GALNT13: variants seen among roughly 807,000 people sequenced by gnomAD.
GALNT13 encodes the protein polypeptide N-acetylgalactosaminyltransferase 13.
Under a neutral mutation model 64.2 loss-of-function variants are expected in GALNT13, and 28 were observed. That is an observed-to-expected ratio of 0.44 (90% confidence interval 0.32 to 0.60). GALNT13 has a LOEUF of 0.60. Among genes scored for constraint, GALNT13 ranks in the 20% least tolerant of loss-of-function variants. The probability of loss-of-function intolerance (pLI) is 0.05; values close to 1 mark genes in which losing one functional copy is unlikely to be tolerated. For synonymous variants in GALNT13, 214 were observed against 224.6 expected (o/e 0.95, Z 0.42); for missense variants, 577 against 669.8 (o/e 0.86, Z 1.53).
chr2:154,268,612 AAC>A (rs796393343), intron 8 of GALNT13, among the ~76,000 whole-genome samples: 1 of 151,552 alleles, frequency 6.6e-6, no homozygotes, highest in Admixed American at 6.6e-5. Flanking sequence ...TAAGAATTAA[AAC>A]ACACACACAC....
At chr2:153,845,876 C>CA in the GALNT13 span, among the ~76,000 whole-genome samples, 6 of 151,372 alleles carry the variant, frequency 4.0e-5, no homozygotes, top group African/African-American at 7.3e-5. Flanking sequence ...GTATTATTTT[C>CA]AAAAAAAGAA....
chr2:153,784,136 T>G, the GALNT13 span, among the ~76,000 whole-genome samples: 1 of 152,140 alleles, frequency 6.6e-6, no homozygotes, highest in Admixed American at 6.5e-5. Flanking sequence ...CTTGGAGGGC[T>G]CAGAAGAAGA....
the GALNT13 span, among the ~76,000 whole-genome samples, chr2:153,393,970 ACACACACACACACACACACACC>A: frequency 7.2e-5 from 8 of 111,412 alleles, no homozygotes; most frequent in East Asian, 1.7e-3. Context: ...ACACACACAC[ACACACACACACACACACACACC>A]CCCTATTGGT....
chr2:153,070,232 G>T, the GALNT13 span, among the ~76,000 whole-genome samples: 13,185 of 152,156 alleles, frequency 0.087, 858 homozygotes, highest in East Asian at 0.33. Flanking sequence ...CGTACTATAA[G>T]ATTCCAGCCA....
chr2:154,440,828 C>T (rs913023776), intron 12 of GALNT13, among the ~76,000 whole-genome samples: 6 of 151,920 alleles, frequency 3.9e-5, no homozygotes, highest in African/African-American at 1.4e-4. Flanking sequence ...TAATACATTG[C>T]CTTTCTGGAA....
the GALNT13 span, among the ~76,000 whole-genome samples, chr2:153,490,751 G>A: frequency 2.0e-5 from 3 of 152,066 alleles, no homozygotes; most frequent in African/African-American, 7.2e-5. Context: ...CCTGAGGTCA[G>A]AAGTTCAAGA....
chr2:153,851,588 G>A, the GALNT13 span, among the ~76,000 whole-genome samples: 579 of 151,692 alleles, frequency 3.8e-3, 5 homozygotes, highest in African/African-American at 0.012. Context: ...ACCTGTAGTC[G>A]CAGCTACTTG....
chr2:154,081,511 G>A (rs916287342), intron 3 of GALNT13, among the ~76,000 whole-genome samples: 3 of 151,652 alleles, frequency 2.0e-5, no homozygotes, highest in African/African-American at 7.3e-5. Context: ...GGGAGTGACA[G>A]TAGAAAACTG....
the GALNT13 span, among the ~76,000 whole-genome samples, chr2:153,096,843 A>G: frequency 1.3e-5 from 2 of 151,966 alleles, no homozygotes; most frequent in Non-Finnish European, 2.9e-5. Context: ...TTTGATTGTA[A>G]AGTTTAGTTC....
At chr2:153,720,045 A>AGACT in the GALNT13 span, among the ~76,000 whole-genome samples, 6 of 149,378 alleles carry the variant, frequency 4.0e-5, no homozygotes, top group Non-Finnish European at 9.0e-5. Flanking sequence ...TAACCTCTGC[A>AGACT]GACTTAAATG....
the GALNT13 span, among the ~76,000 whole-genome samples, chr2:153,367,758 A>G: frequency 3.9e-5 from 6 of 152,092 alleles, no homozygotes; most frequent in Non-Finnish European, 8.8e-5. Flanking sequence ...AGCAGCAATA[A>G]TAATAGGGTG....
At chr2:153,986,237 A>C (rs72866851) in intron 3 of GALNT13, among the ~76,000 whole-genome samples, 2 of 151,916 alleles carry the variant, frequency 1.3e-5, no homozygotes, top group Non-Finnish European at 2.9e-5. Context: ...GAAGAATCTC[A>C]TGTAGAAAAG....
chr2:154,068,935 G>GCTTGA, intron 3 of GALNT13, among the ~76,000 whole-genome samples: 1 of 151,990 alleles, frequency 6.6e-6, no homozygotes, highest in South Asian at 2.1e-4. Flanking sequence ...AAAGATAAAT[G>GCTTGA]CTTGAGGTGC....
chr2:154,254,864 A>G (rs1362546536), intron 7 of GALNT13, among the ~76,000 whole-genome samples: 1 of 152,164 alleles, frequency 6.6e-6, no homozygotes, highest in Non-Finnish European at 1.5e-5. Context: ...TATGTGATGA[A>G]TGATCTGATC....
chr2:154,049,049 AT>A (rs1354066917), intron 3 of GALNT13, among the ~76,000 whole-genome samples: 2 of 152,106 alleles, frequency 1.3e-5, no homozygotes, highest in Non-Finnish European at 2.9e-5. Flanking sequence ...TTTTAAAAAA[AT>A]AAGTATGCTT....
the GALNT13 span, among the ~76,000 whole-genome samples, chr2:153,133,318 A>G: frequency 6.6e-6 from 1 of 152,026 alleles, no homozygotes; most frequent in Non-Finnish European, 1.5e-5. Context: ...GGATCCCCAG[A>G]GAACCTCCAA....
chr2:154,120,317 C>G (rs550896324), intron 3 of GALNT13, among the ~76,000 whole-genome samples: 1 of 152,164 alleles, frequency 6.6e-6, no homozygotes, highest in Non-Finnish European at 1.5e-5. Flanking sequence ...TATTACCTGG[C>G]TGGGCAATTC....
At chr2:153,668,985 GC>G in the GALNT13 span, among the ~76,000 whole-genome samples, 3 of 152,166 alleles carry the variant, frequency 2.0e-5, no homozygotes, top group South Asian at 6.2e-4. Flanking sequence ...TGTGAGATGG[GC>G]CCTGTCTGAA....
chr2:153,605,932 G>A, the GALNT13 span, among the ~76,000 whole-genome samples: 12 of 152,164 alleles, frequency 7.9e-5, no homozygotes, highest in African/African-American at 2.9e-4. Context: ...AATTTGGCAG[G>A]GAGGGTCTGT....
Sources: gnomAD v4.1 joint callset for allele counts (sites outside exome capture counted in the v4.1 genomes callset) on GRCh38, gnomAD v4.1.1 for gene constraint, MANE v1.5 for transcripts, NCBI Gene and HGNC (gene_info 2026-07-23, HGNC 2026-07-21) for gene names.